The following KLHL28 variants were observed in gnomAD, a reference collection of about 807,000 sequenced individuals.
The protein encoded by KLHL28 is kelch like family member 28, also known as kelch-like protein 28.
A neutral mutation model predicts 48.3 loss-of-function variants in KLHL28; 22 were observed. The observed-to-expected ratio is 0.46, with a 90% confidence interval of 0.33 to 0.65. The LOEUF is 0.65. Among genes scored for constraint, KLHL28 ranks in the 30% least tolerant of loss-of-function variants. The pLI, the probability that KLHL28 is intolerant of heterozygous loss-of-function variation, is 0.03. For missense variants in KLHL28, 527 were observed against 704.3 expected (o/e 0.75, Z 2.85); for synonymous variants, 243 against 242.4 (o/e 1.00, Z -0.02).
chr14:44,951,328 A>T (rs114885319), intron 1 of KLHL28, among the ~76,000 whole-genome samples: 2 of 152,212 alleles, frequency 1.3e-5, no homozygotes, highest in African/African-American at 4.8e-5. Context: ...GAGAATCACA[A>T]GGTGTGTCAA....
intron 1 of KLHL28, among the ~76,000 whole-genome samples, chr14:44,949,462 A>G (rs1884481930): frequency 6.6e-6 from 1 of 152,156 alleles, no homozygotes; most frequent in Non-Finnish European, 1.5e-5. Flanking sequence ...AAAACTAAAA[A>G]AATATATAAG....
intron 2 of KLHL28, among the ~76,000 whole-genome samples, chr14:44,938,108 A>G (rs1417426945): frequency 6.6e-6 from 1 of 152,170 alleles, no homozygotes; most frequent in Non-Finnish European, 1.5e-5. Flanking sequence ...TAGCCCCAAA[A>G]GTCTTAACTC....
chr14:44,929,647 G>A (rs770519154), intron 4 of KLHL28, among the ~76,000 whole-genome samples: 1 of 152,078 alleles, frequency 6.6e-6, no homozygotes, highest in Non-Finnish European at 1.5e-5. Context: ...TGTGGGTATG[G>A]GGGGCCTACT....
intron 2 of KLHL28, among the ~76,000 whole-genome samples, chr14:44,938,356 C>T (rs1355626090): frequency 6.6e-6 from 1 of 151,324 alleles, no homozygotes; most frequent in African/African-American, 2.4e-5. Context: ...GTCCAAAACC[C>T]AACAAGGAAA....
In KLHL28 at chr14:44,949,265, G is replaced by A. The variant is rs544638405; in HGVS notation, c.1-3337C>T. Reference sequence around the variant, plus strand: ...ATTAAAGATTTGACTTGTGAATACCGATAAGAAGATGTAGAGATCTTTAGG... The same window carrying A: ...ATTAAAGATTTGACTTGTGAATACCAATAAGAAGATGTAGAGATCTTTAGG... On this transcript the variant is annotated intron_variant, in intron 1 of 4. Transcript: ENST00000396128. 1.1e-4 allele frequency among the ~76,000 whole-genome samples: 17 copies of A among 152,138 alleles called. No homozygotes were observed. In the East Asian group the frequency reaches 2.7e-3, roughly 24 times the overall value.
At chr14:44,941,383 G>C (rs901035963) in intron 2 of KLHL28, among the ~76,000 whole-genome samples, 1 of 151,958 alleles carries the variant, frequency 6.6e-6, no homozygotes, top group Non-Finnish European at 1.5e-5. Flanking sequence ...TGTAATCCCA[G>C]CACTGTGGAA....
chr14:44,953,234 G>A (rs1463127663), intron 1 of KLHL28, among the ~76,000 whole-genome samples: 5 of 152,050 alleles, frequency 3.3e-5, no homozygotes, highest in East Asian at 1.9e-4. Context: ...TTGAGATAAC[G>A]GAATAGCCAT....
chr14:44,957,385 G>A (rs1291085971), intron 1 of KLHL28, among the ~76,000 whole-genome samples: 1 of 152,076 alleles, frequency 6.6e-6, no homozygotes, highest in Non-Finnish European at 1.5e-5. Flanking sequence ...CTAAGTTCAG[G>A]GAGTTTAAAT....
rs138576852 is a variant in KLHL28, at chr14:44,929,945, A to G, written c.1553-754T>C. ...TCTTTCCATAGGCTATTTTTTTTTA[A>G]TTTCATTTCATTCTAGAAAAATCAT... On this transcript the variant is annotated intron_variant, in intron 4 of 4. Coordinates refer to ENST00000396128, the MANE Select transcript of KLHL28 (RefSeq NM_017658.5). Among the ~76,000 whole-genome samples, 4 of 152,142 alleles carry G rather than the reference A, an allele frequency of 2.6e-5. No homozygotes were observed. The East Asian group carries it at 7.7e-4, about 29-fold the overall frequency.
rs1031366368 is a variant in KLHL28 at position 44,941,555 on chromosome 14, G to A, written c.899+3475C>T. Among the ~76,000 whole-genome samples, 9 of 150,836 alleles carry A rather than the reference G, an allele frequency of 6.0e-5. No homozygotes were observed. The South Asian group carries it at 1.3e-3, about 21-fold the overall frequency. On this transcript the variant is annotated intron_variant, in intron 2 of 4. Coordinates refer to ENST00000396128, the MANE Select transcript of KLHL28 (RefSeq NM_017658.5). ...AGGCAAGAGAATTGCTTGAACCTGG[G>A]AGGCGGAGATTGCGGTGAGCCGAGA...
intron 1 of KLHL28, among the ~76,000 whole-genome samples, chr14:44,955,266 T>C (rs1007065144): frequency 6.6e-6 from 1 of 151,532 alleles, no homozygotes; most frequent in African/African-American, 2.4e-5. Context: ...ATAAAATACA[T>C]GTGAGCTATA....
intron 1 of KLHL28, among the ~76,000 whole-genome samples, chr14:44,957,249 G>C (rs972631934): frequency 6.6e-6 from 1 of 152,144 alleles, no homozygotes; most frequent in African/African-American, 2.4e-5. Context: ...TGCGTGATAG[G>C]TAAATAGATG....
chr14:44,937,320 T>C (rs1257668901), intron 2 of KLHL28, among the ~76,000 whole-genome samples: 1 of 151,960 alleles, frequency 6.6e-6, no homozygotes. Flanking sequence ...TAACTTTTTT[T>C]GTATTTTTAG....
rs1447029835 is a variant in KLHL28, at chr14:44,927,640, C to T, written c.*1388G>A. The T allele has an allele frequency of 6.6e-6, 1 of 152,540 alleles. No individual in the cohort carries two copies. Among genetic ancestry groups the T allele is most frequent in the Non-Finnish European group, 1.5e-5 (1 of 67,994 alleles). 9.4% of individuals were successfully genotyped at this position (152,540 alleles called of 1,614,324 possible). ...CTTTCTTTAAATAAGCTGTCACTGG[C>T]TACAGCAAACAATTTTGCTTTAAAA... is the stretch of plus-strand genomic sequence containing the variant. On this transcript the variant is annotated 3_prime_UTR_variant, in exon 5 of 5. Coordinates refer to ENST00000396128, the MANE Select transcript of KLHL28 (RefSeq NM_017658.5).
rs370204109 is a variant in KLHL28, at chr14:44,945,551, T to G, written c.378A>C (p.Ala126=). ...CAGGATCAAGTTGGCTTTCAAGAAA[T>G]GCACAACATTCTTTCAGGACAAGTT... ...QIKLVLKECC[A]FLESQLDPGN... The change falls in exon 2 of 5, where the codon GCA becomes GCC. Residue 126 remains alanine (A), a synonymous_variant. Transcript: ENST00000396128. The G allele has an allele frequency of 8.7e-6, 14 of 1,614,066 alleles. No individual in the cohort carries two copies. The highest frequency in any genetic ancestry group is 1.2e-5 in the Non-Finnish European group (14 of 1,180,042).
chr14:44,946,502 G>T (rs573173105), intron 1 of KLHL28, among the ~76,000 whole-genome samples: 2 of 151,134 alleles, frequency 1.3e-5, no homozygotes, highest in Admixed American at 1.3e-4. Context: ...AGTCCCATGA[G>T]GGCAATAAGG....
intron 4 of KLHL28, 115 bp downstream of exon 4, chr14:44,931,218 T>C (rs1418357649): frequency 3.4e-6 from 2 of 592,442 alleles, no homozygotes; most frequent in Non-Finnish European, 5.5e-6. Context: ...TCTTTTTTTT[T>C]TTTTTTCTGG....
intron 2 of KLHL28, among the ~76,000 whole-genome samples, chr14:44,941,813 T>C (rs1884108043): frequency 6.6e-6 from 1 of 152,118 alleles, no homozygotes; most frequent in African/African-American, 2.4e-5. Flanking sequence ...TATGACTCTA[T>C]TCACTTGGTT....
intron 1 of KLHL28, among the ~76,000 whole-genome samples, chr14:44,949,647 T>C (rs1388537629): frequency 1.3e-5 from 2 of 152,032 alleles, no homozygotes; most frequent in East Asian, 1.9e-4. Context: ...AGCAAAAGCA[T>C]TGACTAACAC....
Sources: gnomAD v4.1 joint callset for allele counts (sites outside exome capture counted in the v4.1 genomes callset) on GRCh38, gnomAD v4.1.1 for gene constraint, MANE v1.5 for transcripts, NCBI Gene and HGNC (gene_info 2026-07-23, HGNC 2026-07-21) for gene names.